CALN1: variants seen among roughly 807,000 people sequenced by gnomAD.
The protein encoded by CALN1 is calcium-binding protein 8.
CALN1 carries 17 observed loss-of-function variants against 30.6 expected under a neutral mutation model. The observed-to-expected ratio is 0.56, with a 90% confidence interval of 0.38 to 0.83. CALN1 has a LOEUF of 0.83. CALN1 is among the 40% of genes least tolerant of loss of function. The probability of loss-of-function intolerance (pLI) is 0.00; values close to 1 mark genes in which losing one functional copy is unlikely to be tolerated. For synonymous variants in CALN1, 156 were observed against 131.4 expected (o/e 1.19, Z -1.28); for missense variants, 291 against 354.9 (o/e 0.82, Z 1.45).
At chr7:71,999,816 T>C (rs900697755) in intron 5 of CALN1, among the ~76,000 whole-genome samples, 2 of 152,064 alleles carry the variant, frequency 1.3e-5, no homozygotes, top group Non-Finnish European at 2.9e-5. Flanking sequence ...CCCAGCCATA[T>C]GCATTTTTTT....
In CALN1 at chr7:72,345,049, G is replaced by A. The variant is rs188310892; in HGVS notation, c.119+58202C>T. On this transcript the variant is annotated intron_variant, in intron 2 of 6. Transcript: ENST00000395275. ...AATGGCACATGTTATATATTATATC[G>A]TATGTACTGTTATATTCATGCATGT... Among the ~76,000 whole-genome samples the A allele has an allele frequency of 6.7e-3, 978 of 146,976 alleles. 4 individuals are homozygous for A. Among genetic ancestry groups the A allele is most frequent in the Non-Finnish European group, 0.01 (672 of 67,116 alleles).
At chr7:72,143,636 T>C (rs1213962291) in intron 3 of CALN1, among the ~76,000 whole-genome samples, 1 of 152,082 alleles carries the variant, frequency 6.6e-6, no homozygotes, top group African/African-American at 2.4e-5. Flanking sequence ...GCTACAAAGA[T>C]ACTCCTCGAG....
intron 2 of CALN1, among the ~76,000 whole-genome samples, chr7:72,320,997 C>T (rs1800840062): frequency 6.6e-6 from 1 of 152,170 alleles, no homozygotes; most frequent in Admixed American, 6.5e-5. Flanking sequence ...TCCATAAAAA[C>T]GTTATTGAAA....
intron 5 of CALN1, among the ~76,000 whole-genome samples, chr7:72,023,350 C>T (rs1800816373): frequency 6.6e-6 from 1 of 152,132 alleles, no homozygotes; most frequent in African/African-American, 2.4e-5. Flanking sequence ...AAACACAGAA[C>T]CGGTTCAGAT....
chr7:72,365,004 T>C (rs1260850515), intron 2 of CALN1, among the ~76,000 whole-genome samples: 3 of 151,594 alleles, frequency 2.0e-5, no homozygotes, highest in African/African-American at 7.3e-5. Context: ...ACCCAGTCTC[T>C]ACTAAAAATA....
intron 3 of CALN1, among the ~76,000 whole-genome samples, chr7:72,209,226 C>T (rs1455038023): frequency 2.7e-5 from 1 of 37,278 alleles, no homozygotes; most frequent in East Asian, 1.2e-3. Flanking sequence ...CCCTCCTTCC[C>T]TCTTTCCTTC....
intron 3 of CALN1, among the ~76,000 whole-genome samples, chr7:72,114,451 G>A (rs1473070650): frequency 6.6e-6 from 1 of 151,656 alleles, no homozygotes; most frequent in Non-Finnish European, 1.5e-5. Flanking sequence ...CTAGCGAGCA[G>A]CTGCAAATAC....
At chr7:71,865,014 A>AAACG (rs1554359806) in intron 5 of CALN1, among the ~76,000 whole-genome samples, 2 of 152,102 alleles carry the variant, frequency 1.3e-5, no homozygotes, top group African/African-American at 4.8e-5. Context: ...AAAAAAGGAA[A>AAACG]AAAGAAAGAA....
chr7:71,968,412 C>T (rs1467697284), intron 5 of CALN1, among the ~76,000 whole-genome samples: 1 of 152,148 alleles, frequency 6.6e-6, no homozygotes, highest in East Asian at 1.9e-4. Flanking sequence ...TACATGAGGC[C>T]TTCTTTGGAG....
chr7:72,427,343 C>G (rs937049066), intron 1 of CALN1, among the ~76,000 whole-genome samples: 5 of 152,104 alleles, frequency 3.3e-5, no homozygotes, highest in African/African-American at 1.2e-4. Flanking sequence ...GGCCATTTCC[C>G]CAATTGTTTC....
At chr7:72,188,122 A>G (rs10251823) in intron 3 of CALN1, among the ~76,000 whole-genome samples, 109,050 of 151,852 alleles carry the variant, frequency 0.72, 39,803 homozygotes, top group East Asian at 1. Context: ...CCACTACTGC[A>G]CATCTGCTCG....
chr7:71,955,982 T>C (rs921680665), intron 5 of CALN1, among the ~76,000 whole-genome samples: 1 of 108,894 alleles, frequency 9.2e-6, no homozygotes, highest in African/African-American at 3.7e-5. Flanking sequence ...GGGCCATGTA[T>C]GTTCTGGATT....
At chr7:72,058,185 G>A (rs910136303) in intron 4 of CALN1, among the ~76,000 whole-genome samples, 1 of 152,080 alleles carries the variant, frequency 6.6e-6, no homozygotes, top group Non-Finnish European at 1.5e-5. Flanking sequence ...TTATCCAGAT[G>A]AGACCCTGGA....
At chr7:72,121,082 C>T (rs1808340783) in intron 3 of CALN1, among the ~76,000 whole-genome samples, 1 of 146,146 alleles carries the variant, frequency 6.8e-6, no homozygotes, top group African/African-American at 2.5e-5. Flanking sequence ...TATATTATAA[C>T]TTATATATGA....
chr7:72,274,769 T>G (rs1251510790), intron 3 of CALN1, among the ~76,000 whole-genome samples: 1 of 152,114 alleles, frequency 6.6e-6, no homozygotes, highest in Non-Finnish European at 1.5e-5. Context: ...AAATATCCGT[T>G]TAATGAATGA....
intron 2 of CALN1, among the ~76,000 whole-genome samples, chr7:72,344,148 G>T (rs1802509465): frequency 6.6e-6 from 1 of 152,046 alleles, no homozygotes; most frequent in African/African-American, 2.4e-5. Flanking sequence ...AAAAAGAGAG[G>T]TTCCGGGCCT....
At chr7:72,243,898 C>T (rs887169945) in intron 3 of CALN1, among the ~76,000 whole-genome samples, 5 of 152,086 alleles carry the variant, frequency 3.3e-5, no homozygotes, top group African/African-American at 1.2e-4. Context: ...ACTTCTATTC[C>T]TTCTTTTTAG....
At chr7:72,032,614 T>G (rs1170526483) in intron 4 of CALN1, among the ~76,000 whole-genome samples, 1 of 152,220 alleles carries the variant, frequency 6.6e-6, no homozygotes, top group Non-Finnish European at 1.5e-5. Context: ...TTATAGTATG[T>G]TTTCCTATCT....
intron 5 of CALN1, among the ~76,000 whole-genome samples, chr7:71,917,583 G>A (rs902726085): frequency 6.6e-6 from 1 of 152,032 alleles, no homozygotes; most frequent in Non-Finnish European, 1.5e-5. Flanking sequence ...TGCATGGCTG[G>A]GGAGGCCTCA....
Sources: gnomAD v4.1 joint callset for allele counts (sites outside exome capture counted in the v4.1 genomes callset) on GRCh38, gnomAD v4.1.1 for gene constraint, MANE v1.5 for transcripts, NCBI Gene and HGNC (gene_info 2026-07-23, HGNC 2026-07-21) for gene names.